Variants in PLXNA4 observed in about 807,000 individuals in gnomAD.
PLXNA4 encodes the protein plexin A4.
A neutral mutation model predicts 191.8 loss-of-function variants in PLXNA4; 44 were observed. The ratio of observed to expected loss-of-function variants is 0.23; its 90% CI spans 0.18 to 0.29. PLXNA4 has a LOEUF of 0.29. Among genes scored for constraint, PLXNA4 ranks in the 10% least tolerant of loss-of-function variants. The probability of loss-of-function intolerance (pLI) is 1.00; values close to 1 mark genes in which losing one functional copy is unlikely to be tolerated. For synonymous variants in PLXNA4, 1,082 were observed against 1,009.5 expected (o/e 1.07, Z -1.36); for missense variants, 1,800 against 2,488.8 (o/e 0.72, Z 5.89).
At chr7:132,258,313 C>A (rs1799503688) in intron 4 of PLXNA4, among the ~76,000 whole-genome samples, 1 of 152,250 alleles carries the variant, frequency 6.6e-6, no homozygotes, top group Non-Finnish European at 1.5e-5. Flanking sequence ...GAAAGGTTAG[C>A]TTTGCATGCC....
chr7:132,158,214 C>T (rs1795849353), intron 25 of PLXNA4, among the ~76,000 whole-genome samples: 1 of 152,244 alleles, frequency 6.6e-6, no homozygotes, highest in African/African-American at 2.4e-5. Flanking sequence ...GTTACTACAA[C>T]TTCCTGATCC....
intron 4 of PLXNA4, among the ~76,000 whole-genome samples, chr7:132,291,052 G>A (rs1032113612): frequency 5.9e-5 from 9 of 152,140 alleles, no homozygotes; most frequent in Admixed American, 1.3e-4. Context: ...AGGTGCACAC[G>A]GAGGCTGGGG....
chr7:132,443,706 A>G lies in PLXNA4; in HGVS notation c.1371+45586T>C, dbSNP rs143854867. Among the ~76,000 whole-genome samples the G allele has an allele frequency of 4.5e-3, 691 of 152,324 alleles. 10 individuals are homozygous for G. The highest frequency in any genetic ancestry group is 0.014 in the African/African-American group (564 of 41,578). ...CGTCTGCATCCTTTCTTTATTACAC[A>G]TAAGTGAAAATATTGCTATTGAAGG... On this transcript the variant is annotated intron_variant, in intron 3 of 31. Transcript: ENST00000321063.
intron 29 of PLXNA4, among the ~76,000 whole-genome samples, chr7:132,143,929 T>C (rs1369935638): frequency 3.9e-5 from 6 of 152,326 alleles, no homozygotes; most frequent in African/African-American, 7.2e-5. Context: ...TGGTTTTTCA[T>C]ATTCAGCAGG....
At chr7:132,144,313 T>A (rs1408761702) in intron 29 of PLXNA4, among the ~76,000 whole-genome samples, 1 of 152,192 alleles carries the variant, frequency 6.6e-6, no homozygotes, top group Non-Finnish European at 1.5e-5. Context: ...GCTTCCGTAC[T>A]AAGTGCTGAA....
At chr7:132,299,305 G>A (rs576463143) in intron 3 of PLXNA4, among the ~76,000 whole-genome samples, 1 of 152,052 alleles carries the variant, frequency 6.6e-6, no homozygotes, top group Non-Finnish European at 1.5e-5. Context: ...ATTCCCATTA[G>A]GCACTCTTAT....
intron 3 of PLXNA4, among the ~76,000 whole-genome samples, chr7:132,453,451 C>T (rs1208335336): frequency 6.6e-6 from 1 of 152,162 alleles, no homozygotes. Flanking sequence ...TTTTAACAAG[C>T]TCCCCAGGTG....
chr7:132,439,270 C>T (rs1344907551), intron 3 of PLXNA4, among the ~76,000 whole-genome samples: 2 of 152,152 alleles, frequency 1.3e-5, no homozygotes, highest in African/African-American at 2.4e-5. Flanking sequence ...TAGAGTCCCG[C>T]CCCGGCCAAT....
At chr7:132,584,944 T>C (rs1048904086) in intron 2 of PLXNA4, among the ~76,000 whole-genome samples, 1 of 152,164 alleles carries the variant, frequency 6.6e-6, no homozygotes, top group African/African-American at 2.4e-5. Context: ...ATCTGTATCA[T>C]ATTCGAGCTT....
At chr7:132,457,132 C>T (rs571509269) in intron 3 of PLXNA4, among the ~76,000 whole-genome samples, 31 of 152,288 alleles carry the variant, frequency 2.0e-4, no homozygotes, top group Admixed American at 2.0e-3. Flanking sequence ...ATCCCACACC[C>T]AGCTTCCCCT....
At chr7:132,249,625 G>T (rs1191173582) in intron 4 of PLXNA4, among the ~76,000 whole-genome samples, 3 of 152,236 alleles carry the variant, frequency 2.0e-5, no homozygotes, top group Non-Finnish European at 4.4e-5. Flanking sequence ...AGATGGAAAA[G>T]CCATAGCCCA....
chr7:132,406,504 C>T (rs961940184), intron 3 of PLXNA4, among the ~76,000 whole-genome samples: 4 of 152,178 alleles, frequency 2.6e-5, no homozygotes, highest in African/African-American at 9.7e-5. Context: ...CTCCTGACCA[C>T]ATGAATGAAA....
intron 31 of PLXNA4, among the ~76,000 whole-genome samples, chr7:132,132,335 G>A (rs1176190011): frequency 6.6e-6 from 1 of 151,488 alleles, no homozygotes; most frequent in East Asian, 1.9e-4. Context: ...AATGACCCCA[G>A]GTGGGATTTT....
chr7:132,556,268 G>C (rs901097495), intron 1 of PLXNA4, among the ~76,000 whole-genome samples: 1 of 152,174 alleles, frequency 6.6e-6, no homozygotes, highest in African/African-American at 2.4e-5. Context: ...CATGCCCCTC[G>C]TGCCCTCTGG....
rs370797179 is a variant in PLXNA4, at chr7:132,628,600, C to G, written c.-87+17328G>C. 1.0e-3 allele frequency among the ~76,000 whole-genome samples: 152 copies of G among 151,932 alleles called. 5 individuals are homozygous for G. In the South Asian group the frequency reaches 0.031, roughly 31 times the overall value. On this transcript the variant is annotated intron_variant, in intron 2 of 4. Coordinates refer to the PLXNA4 transcript ENST00000378539. ...TCCTCTCTTCTCTTTTTCTAAACAT[C>G]TTTTATTTTTTGGATCTCCTGGATT...
chr7:132,167,345 C>T (rs149459454), intron 22 of PLXNA4, among the ~76,000 whole-genome samples: 2 of 152,202 alleles, frequency 1.3e-5, no homozygotes, highest in African/African-American at 4.8e-5. Context: ...GGACTCTGGG[C>T]CCATTTACAG....
intron 29 of PLXNA4, 94 bp from the exon 30 acceptor site, chr7:132,140,905 G>A (rs1795249469): frequency 6.5e-7 from 1 of 1,541,124 alleles, no homozygotes; most frequent in Non-Finnish European, 8.7e-7. Context: ...GAGAAGCCTG[G>A]GGAACTAATA....
intron 3 of PLXNA4, among the ~76,000 whole-genome samples, chr7:132,401,410 T>C (rs1333940056): frequency 2.0e-5 from 3 of 152,202 alleles, no homozygotes; most frequent in Non-Finnish European, 4.4e-5. Context: ...GTGGTTCTAA[T>C]GTGAAGCCCA....
At chr7:132,183,226 GCA>G (rs1796769350) in intron 16 of PLXNA4, among the ~76,000 whole-genome samples, 1 of 152,116 alleles carries the variant, frequency 6.6e-6, no homozygotes, top group Non-Finnish European at 1.5e-5. Context: ...GCATGTGCGT[GCA>G]CACACAGTGT....
Sources: gnomAD v4.1 joint callset for allele counts (sites outside exome capture counted in the v4.1 genomes callset) on GRCh38, gnomAD v4.1.1 for gene constraint, MANE v1.5 for transcripts, NCBI Gene and HGNC (gene_info 2026-07-23, HGNC 2026-07-21) for gene names.